UNC13C: variants seen among roughly 807,000 people sequenced by gnomAD.
UNC13C encodes the protein protein unc-13 homolog C.
Under a neutral mutation model 245.4 loss-of-function variants are expected in UNC13C, and 174 were observed. That is an observed-to-expected ratio of 0.71 (90% CI 0.63 to 0.80). The LOEUF is 0.80. Among genes scored for constraint, UNC13C ranks in the 30% least tolerant of loss-of-function variants. The pLI is 0.00. For synonymous variants in UNC13C, 992 were observed against 895.1 expected, an observed-to-expected ratio of 1.11 and a Z score of -1.93; for missense variants, 2,829 against 2,602.9, an observed-to-expected ratio of 1.09 and a Z score of -1.89.
chr15:54,100,381 T>C (rs1470515663), intron 2 of UNC13C, among the ~76,000 whole-genome samples: 1 of 152,170 alleles, frequency 6.6e-6, no homozygotes, highest in East Asian at 1.9e-4. Context: ...CACTCATGGC[T>C]TCTTTGACAC....
chr15:54,592,226 C>T (rs1349272023), intron 30 of UNC13C, among the ~76,000 whole-genome samples: 1 of 152,080 alleles, frequency 6.6e-6, no homozygotes, highest in Non-Finnish European at 1.5e-5. Context: ...TATGGTCTAT[C>T]TTGGAGAAAG....
chr15:54,400,322 G>A (rs1051228326), intron 18 of UNC13C, among the ~76,000 whole-genome samples: 4 of 151,914 alleles, frequency 2.6e-5, no homozygotes, highest in Non-Finnish European at 4.4e-5. Context: ...ATTGCATATG[G>A]TTATTATGTG....
In UNC13C at chr15:54,507,132, C is replaced by T; in HGVS notation, c.5317C>T (p.Leu1773=). The T allele has an allele frequency of 6.3e-7, 1 of 1,597,442 alleles. No homozygotes were observed. Among genetic ancestry groups the T allele is most frequent in the South Asian group, 1.1e-5 (1 of 88,294 alleles). Residue 1773 remains leucine (L), a synonymous_variant, in exon 23 of 33, where the codon CTG becomes TTG. Transcript: ENST00000260323. ...RRFAKTINKV[L]LQYAAIVSSD... ...TCTTTCTTAGACTATCAATAAAGTG[C>T]TGCTCCAGTATGCTGCAATTGTATC...
At chr15:54,484,326 T>C (rs1224126218) in intron 19 of UNC13C, among the ~76,000 whole-genome samples, 8 of 152,182 alleles carry the variant, frequency 5.3e-5, no homozygotes, top group Non-Finnish European at 1.2e-4. Context: ...TTGGTTTTAC[T>C]TTTTAGCGAG....
chr15:53,940,785 G>A, the UNC13C span, among the ~76,000 whole-genome samples: 1 of 152,016 alleles, frequency 6.6e-6, no homozygotes, highest in Admixed American at 6.6e-5. Flanking sequence ...TATTCAAGAA[G>A]AACTACAAAC....
At chr15:54,538,961 T>C (rs1178125121) in intron 26 of UNC13C, among the ~76,000 whole-genome samples, 1 of 151,932 alleles carries the variant, frequency 6.6e-6, no homozygotes, top group African/African-American at 2.4e-5. Flanking sequence ...AATTTTCCCA[T>C]GTAACAAATT....
chr15:54,078,313 T>C (rs1898746080), intron 2 of UNC13C, among the ~76,000 whole-genome samples: 2 of 152,140 alleles, frequency 1.3e-5, no homozygotes, highest in Admixed American at 6.5e-5. Flanking sequence ...TCCGGCTATA[T>C]TTTTTTATAG....
chr15:53,894,830 A>G, the UNC13C span, among the ~76,000 whole-genome samples: 1 of 152,168 alleles, frequency 6.6e-6, no homozygotes, highest in Admixed American at 6.5e-5. Flanking sequence ...TATTTACAAA[A>G]GTCAAGAGAT....
At chr15:54,447,723 A>T (rs182492731) in intron 19 of UNC13C, among the ~76,000 whole-genome samples, 102 of 152,274 alleles carry the variant, frequency 6.7e-4, no homozygotes, top group African/African-American at 2.2e-3. Context: ...CAAAAAAACC[A>T]GCTCCTGGAT....
At chr15:54,116,966 T>G (rs1444528629) in intron 2 of UNC13C, among the ~76,000 whole-genome samples, 1 of 152,182 alleles carries the variant, frequency 6.6e-6, no homozygotes, top group African/African-American at 2.4e-5. Flanking sequence ...AAAAACTGTT[T>G]TAGCTAGGGT....
chr15:54,343,496 C>A (rs910763170), intron 17 of UNC13C, among the ~76,000 whole-genome samples: 1 of 152,222 alleles, frequency 6.6e-6, no homozygotes, highest in Non-Finnish European at 1.5e-5. Flanking sequence ...ACTCCTCACA[C>A]TCCTGAACCA....
At chr15:54,434,365 ATGGTAC>A (rs1258646122) in intron 19 of UNC13C, among the ~76,000 whole-genome samples, 1 of 152,168 alleles carries the variant, frequency 6.6e-6, no homozygotes, top group African/African-American at 2.4e-5. Context: ...ACCAAACAGC[ATGGTAC>A]TGGTACCAAA....
the UNC13C span, among the ~76,000 whole-genome samples, chr15:53,956,126 G>A: frequency 6.6e-6 from 1 of 152,130 alleles, no homozygotes; most frequent in Admixed American, 6.5e-5. Flanking sequence ...GTTAAACAAT[G>A]GGTACTCATG....
intron 17 of UNC13C, among the ~76,000 whole-genome samples, chr15:54,362,948 A>T (rs2039270103): frequency 6.6e-6 from 1 of 152,206 alleles, no homozygotes; most frequent in Admixed American, 6.5e-5. Flanking sequence ...GAAAAGAAGG[A>T]TGGGGCATGG....
chr15:54,221,544 ATAAC>A (rs1050953649), intron 4 of UNC13C, among the ~76,000 whole-genome samples: 60 of 152,088 alleles, frequency 3.9e-4, no homozygotes, highest in Admixed American at 1.4e-3. Flanking sequence ...TTATCATCAA[ATAAC>A]TAACTAAATA....
At chr15:54,380,755 T>A (rs1307946926) in intron 17 of UNC13C, among the ~76,000 whole-genome samples, 1 of 152,198 alleles carries the variant, frequency 6.6e-6, no homozygotes, top group South Asian at 2.1e-4. Context: ...TATTTGTATA[T>A]CTTCTTTTGA....
the UNC13C span, among the ~76,000 whole-genome samples, chr15:53,838,601 T>A: frequency 1.5e-3 from 226 of 152,164 alleles, 1 homozygote; most frequent in African/African-American, 5.1e-3. Context: ...ATCTCTAATA[T>A]ACATTCAACT....
the UNC13C span, among the ~76,000 whole-genome samples, chr15:53,885,699 T>C: frequency 1.2e-4 from 18 of 152,188 alleles, no homozygotes; most frequent in Admixed American, 5.2e-4. Context: ...ATGACCCTTA[T>C]GATGGGTAAG....
chr15:54,015,958 C>T (rs755664407), intron 2 of UNC13C, 72 bp downstream of exon 2: 36 of 1,289,712 alleles, frequency 2.8e-5, no homozygotes, highest in African/African-American at 1.0e-4. Context: ...TTAGAGCATG[C>T]TCTGTGTTTA....
Sources: gnomAD v4.1 joint callset for allele counts (sites outside exome capture counted in the v4.1 genomes callset) on GRCh38, gnomAD v4.1.1 for gene constraint, MANE v1.5 for transcripts, NCBI Gene and HGNC (gene_info 2026-07-23, HGNC 2026-07-21) for gene names.